The following TBL1XR1 variants were observed in gnomAD, a reference collection of about 807,000 sequenced individuals.
TBL1XR1 encodes the protein F-box-like/WD repeat-containing protein TBL1XR1.
A neutral mutation model predicts 66.9 loss-of-function variants in TBL1XR1; 5 were observed. The ratio of observed to expected loss-of-function variants is 0.07; its 90% CI spans 0.04 to 0.16. The LOEUF (loss-of-function observed/expected upper bound fraction) is 0.16. Ranked by LOEUF, TBL1XR1 falls within the 10% of genes least tolerant of loss-of-function variation. The pLI, the probability that TBL1XR1 is intolerant of heterozygous loss-of-function variation, is 1.00. For missense variants in TBL1XR1, 238 were observed against 623.2 expected (o/e 0.38, Z 6.58); for synonymous variants, 210 against 206.0 (o/e 1.02, Z -0.17).
At chr3:177,119,903 T>G (rs1452285819) in intron 1 of TBL1XR1, among the ~76,000 whole-genome samples, 1 of 152,188 alleles carries the variant, frequency 6.6e-6, no homozygotes, top group Admixed American at 6.5e-5. Context: ...ACTTCAAATT[T>G]CAGGGAGAAA....
chr3:177,151,492 T>C (rs1235995752), intron 1 of TBL1XR1, among the ~76,000 whole-genome samples: 1 of 152,156 alleles, frequency 6.6e-6, no homozygotes, highest in African/African-American at 2.4e-5. Context: ...TTGAGGGACT[T>C]AGACTGTACG....
At chr3:177,164,299 A>C (rs1265013810) in intron 1 of TBL1XR1, among the ~76,000 whole-genome samples, 1 of 152,046 alleles carries the variant, frequency 6.6e-6, no homozygotes, top group Non-Finnish European at 1.5e-5. Context: ...AATGGCCCCT[A>C]AATTGTTAAA....
chr3:177,087,220 T>C (rs886650193), intron 2 of TBL1XR1, among the ~76,000 whole-genome samples: 3 of 119,184 alleles, frequency 2.5e-5, no homozygotes, highest in Non-Finnish European at 5.3e-5. Flanking sequence ...TTACTTACTT[T>C]TTTATTTAAA....
chr3:177,148,016 T>C lies in TBL1XR1; in HGVS notation c.-122+49105A>G, dbSNP rs151119194. Reference sequence around the variant, plus strand: ...AATCTTTCCACCATTAAGAAAGTTATCTCTGTGAAACAGACACTTAGCTTT... The same window carrying C: ...AATCTTTCCACCATTAAGAAAGTTACCTCTGTGAAACAGACACTTAGCTTT... On this transcript the variant is annotated intron_variant, in intron 1 of 15. Coordinates refer to ENST00000457928, the MANE Select transcript of TBL1XR1 (RefSeq NM_024665.7). Among the ~76,000 whole-genome samples the C allele has an allele frequency of 6.6e-5, 10 of 152,356 alleles. No individual in the cohort carries two copies. The East Asian group carries it at 1.9e-3, about 29-fold the overall frequency.
chr3:177,057,965 G>A (rs1718013654), intron 3 of TBL1XR1, among the ~76,000 whole-genome samples: 1 of 152,084 alleles, frequency 6.6e-6, no homozygotes, highest in South Asian at 2.1e-4. Context: ...TCTATAGATC[G>A]CTTGTTTCAG....
At position 177,197,319 on chromosome 3, in the gene TBL1XR1, G is replaced by C. The variant is rs1330279845; in HGVS notation, c.-320C>G. The C allele has an allele frequency of 6.8e-6, 1 of 147,968 alleles. No homozygotes were observed. Among genetic ancestry groups the C allele is most frequent in the Non-Finnish European group, 1.5e-5 (1 of 66,238 alleles). The allele number at this position is 147,968 out of a possible 1,614,324, so 9.2% of individuals were successfully genotyped here. On this transcript the variant is annotated 5_prime_UTR_variant, in exon 1 of 16. Coordinates refer to ENST00000457928, the MANE Select transcript of TBL1XR1 (RefSeq NM_024665.7). ...CGGGCGGGGGCGGGGAGCGCGGCGCGGGTCCCCAGGTGGCGAGCGGAGGTG... is the reference window on the plus strand; with the variant it reads ...CGGGCGGGGGCGGGGAGCGCGGCGCCGGTCCCCAGGTGGCGAGCGGAGGTG...
At chr3:177,168,192 A>AT (rs773502545) in intron 1 of TBL1XR1, among the ~76,000 whole-genome samples, 1 of 152,256 alleles carries the variant, frequency 6.6e-6, no homozygotes, top group Non-Finnish European at 1.5e-5. Context: ...TCTTCTAATT[A>AT]AAGTGTTCAT....
intron 1 of TBL1XR1, among the ~76,000 whole-genome samples, chr3:177,185,665 G>A (rs1466448751): frequency 2.7e-5 from 4 of 150,248 alleles, no homozygotes; most frequent in Admixed American, 2.6e-4. Flanking sequence ...GTATCTTTGA[G>A]AAGGTCCCTT....
At chr3:177,174,713 T>C (rs190651982) in intron 1 of TBL1XR1, among the ~76,000 whole-genome samples, 3 of 152,292 alleles carry the variant, frequency 2.0e-5, no homozygotes, top group Non-Finnish European at 4.4e-5. Flanking sequence ...CTCCAAGAAT[T>C]ACTGGTGTCA....
intron 1 of TBL1XR1, among the ~76,000 whole-genome samples, chr3:177,147,978 T>C (rs1172260887): frequency 1.3e-5 from 2 of 152,242 alleles, no homozygotes; most frequent in Non-Finnish European, 2.9e-5. Context: ...GGTAGCAATA[T>C]GGTAACACCC....
upstream of TBL1XR1, among the ~76,000 whole-genome samples, chr3:177,201,474 G>A (rs1009054844): frequency 1.3e-5 from 2 of 149,042 alleles, no homozygotes; most frequent in South Asian, 2.1e-4. Context: ...ATATTTTTCC[G>A]AGAGGAGTGT....
rs1553852564 is a variant in TBL1XR1 at position 177,134,971 on chromosome 3, G to GTGTCTGTGTGTGTC, written c.-121-36431_-121-36430insGACACACACAGACA. On this transcript the variant is annotated intron_variant, in intron 1 of 15. Transcript: ENST00000457928. ...TGTGTGTGTGTGTGTGTGTGTCTGT[G>GTGTCTGTGTGTGTC]TGTGTGTCTGTGTGTGTGTGTTTTG... Among the ~76,000 whole-genome samples the GTGTCTGTGTGTGTC allele has an allele frequency of 2.1e-5, 3 of 146,068 alleles. No individual in the cohort carries two copies. In the Admixed American group the frequency reaches 2.1e-4, roughly 10 times the overall value.
intron 1 of TBL1XR1, among the ~76,000 whole-genome samples, chr3:177,161,919 CCACT>C (rs906500758): frequency 2.6e-5 from 4 of 152,124 alleles, no homozygotes; most frequent in Non-Finnish European, 4.4e-5. Flanking sequence ...CCACACACTC[CCACT>C]CAAATAGCTG....
At chr3:177,043,944 T>G (rs1330279478) in intron 10 of TBL1XR1, among the ~76,000 whole-genome samples, 2 of 152,168 alleles carry the variant, frequency 1.3e-5, no homozygotes, top group Non-Finnish European at 2.9e-5. Flanking sequence ...TCTTATTTTC[T>G]GCCCCTCTTC....
chr3:177,112,970 G>A (rs1264806585), intron 1 of TBL1XR1, among the ~76,000 whole-genome samples: 3 of 151,696 alleles, frequency 2.0e-5, no homozygotes, highest in African/African-American at 7.3e-5. Flanking sequence ...CAGAGATCGT[G>A]GCACTGCACT....
intron 12 of TBL1XR1, among the ~76,000 whole-genome samples, chr3:177,034,534 C>G (rs1423114409): frequency 6.6e-6 from 1 of 151,660 alleles, no homozygotes; most frequent in African/African-American, 2.4e-5. Context: ...TAGCTTTAAG[C>G]CCTTTAAAAA....
At chr3:177,197,079 C>G (rs1461695516) in intron 1 of TBL1XR1, 42 bp downstream of exon 1, 2 of 152,014 alleles carry the variant, frequency 1.3e-5, no homozygotes, top group Non-Finnish European at 2.9e-5. Context: ...CCGCCCAGGC[C>G]CCCGGCCGCC....
At position 177,109,129 on chromosome 3, in the gene TBL1XR1, T is replaced by G. The variant is rs183858154; in HGVS notation, c.-121-10588A>C. 2.0e-5 allele frequency among the ~76,000 whole-genome samples: 3 copies of G among 152,300 alleles called. No individual in the cohort carries two copies. The South Asian group carries it at 6.2e-4, about 32-fold the overall frequency. Reference sequence around the variant, plus strand: ...CAGATAAATATGGGGAAAAAACAAGTAAATTGTATATTTGTAATTAATTTT... The same window carrying G: ...CAGATAAATATGGGGAAAAAACAAGGAAATTGTATATTTGTAATTAATTTT... On this transcript the variant is annotated intron_variant, in intron 1 of 15. Coordinates refer to ENST00000457928, the MANE Select transcript of TBL1XR1 (RefSeq NM_024665.7).
intron 1 of TBL1XR1, among the ~76,000 whole-genome samples, chr3:177,153,604 A>C (rs970735604): frequency 1.6e-4 from 24 of 152,158 alleles, no homozygotes; most frequent in African/African-American, 5.5e-4. Flanking sequence ...GTATGCAATA[A>C]AGGCCAGGCG....
Sources: allele counts gnomAD v4.1 joint callset (sites outside exome capture counted in the v4.1 genomes callset), GRCh38; gene constraint gnomAD v4.1.1; transcripts MANE v1.5; gene names NCBI Gene and HGNC (gene_info 2026-07-23, HGNC 2026-07-21).